The following MLIP variants were observed in gnomAD, a reference collection of about 807,000 sequenced individuals.
MLIP encodes muscular LMNA interacting protein, also known as muscular LMNA-interacting protein.
MLIP carries 79 observed loss-of-function variants against 84.8 expected under a neutral mutation model. The observed-to-expected ratio is 0.93, with a 90% CI of 0.78 to 1.12. The LOEUF (loss-of-function observed/expected upper bound fraction) is 1.12. MLIP is among the 50% of genes most tolerant of loss of function. The pLI is 0.00. For missense variants in MLIP, 1,257 were observed against 1,160.6 expected (o/e 1.08, Z -1.21); for synonymous variants, 504 against 463.0 (o/e 1.09, Z -1.14).
chr6:54,068,612 A>C lies in MLIP; in HGVS notation c.63+49521A>C, dbSNP rs182813161. On this transcript the variant is annotated intron_variant, in intron 1 of 12. Transcript: ENST00000274897. ...TCTTGTTAGTCTAGCTTAGGTCAGA[A>C]GTTAATACTTTAATATGGACTAAGA... is the stretch of plus-strand genomic sequence containing the variant. Among the ~76,000 whole-genome samples, 187 of 101,286 alleles carry C rather than the reference A, an allele frequency of 1.8e-3. 33 individuals carry two copies. The highest frequency in any genetic ancestry group is 4.0e-3 in the Admixed American group (44 of 10,986). 66.4% of individuals were successfully genotyped at this position (101,286 alleles called of 152,430 possible).
Position 54,026,155 on chromosome 6 carries a change from T to G in MLIP, c.63+7064T>G, listed in dbSNP as rs76132545. On this transcript the variant is annotated intron_variant, in intron 1 of 12. Coordinates refer to the MLIP transcript ENST00000274897. ...AATTTTTAGTAAAATTAATTAATTT[T>G]TCCCTTTCTTAGGGAGGTAAGACAT... Among the ~76,000 whole-genome samples, 95 of 152,304 alleles carry G rather than the reference T, an allele frequency of 6.2e-4. No individual in the cohort carries two copies. In the East Asian group the frequency reaches 0.018, roughly 29 times the overall value.
chr6:54,168,853 C>CTTT (rs3996971), intron 8 of MLIP, among the ~76,000 whole-genome samples: 29 of 118,804 alleles, frequency 2.4e-4, no homozygotes, highest in East Asian at 8.2e-4. Context: ...GGGTTGAGGT[C>CTTT]TTTTTTTTTT....
At chr6:54,148,017 C>T (rs554537388) in intron 4 of MLIP, among the ~76,000 whole-genome samples, 1 of 152,236 alleles carries the variant, frequency 6.6e-6, no homozygotes, top group Non-Finnish European at 1.5e-5. Context: ...ATGTGCTAGC[C>T]TCTTACCTTC....
At chr6:54,084,576 G>A (rs989278848) in intron 1 of MLIP, among the ~76,000 whole-genome samples, 15 of 152,308 alleles carry the variant, frequency 9.8e-5, no homozygotes, top group Non-Finnish European at 1.6e-4. Context: ...AGGTGGATAT[G>A]TGTACATATA....
At chr6:54,083,513 T>C (rs1302734304) in intron 1 of MLIP, 2 of 1,535,634 alleles carry the variant, frequency 1.3e-6, no homozygotes, top group Non-Finnish European at 1.7e-6. Flanking sequence ...TTCTATTGGC[T>C]GACACTGACC....
intron 10 of MLIP, among the ~76,000 whole-genome samples, chr6:54,196,080 T>C (rs1032634630): frequency 6.6e-6 from 1 of 152,124 alleles, no homozygotes; most frequent in African/African-American, 2.4e-5. Flanking sequence ...GCCATATGGC[T>C]CTTCTATCCC....
chr6:54,203,958 A>G (rs1778870425), intron 11 of MLIP: 1 of 152,198 alleles, frequency 6.6e-6, no homozygotes, highest in Admixed American at 6.5e-5. Context: ...AAACACTAAA[A>G]TTTGCATTAC....
intron 4 of MLIP, among the ~76,000 whole-genome samples, chr6:54,142,680 G>A (rs533790080): frequency 3.0e-4 from 46 of 152,254 alleles, no homozygotes; most frequent in African/African-American, 1.0e-3. Flanking sequence ...GTTTCAAATA[G>A]ATAAGTGACC....
chr6:54,237,719 G>A (rs528453374), intron 12 of MLIP, among the ~76,000 whole-genome samples: 2 of 150,810 alleles, frequency 1.3e-5, no homozygotes, highest in African/African-American at 2.4e-5. Flanking sequence ...GCATGGTTTC[G>A]TGCACCTGTG....
chr6:54,261,773 C>G (rs957111491), intron 13 of MLIP: 1 of 977,046 alleles, frequency 1.0e-6, no homozygotes, highest in Non-Finnish European at 1.2e-6. Context: ...TGGTTTGATT[C>G]AAGGGTAAAA....
Position 54,124,780 on chromosome 6 carries a change from G to A in MLIP, c.560G>A (p.Arg187His), listed in dbSNP as rs369010969. The change falls in exon 3 of 14, where the codon CGT becomes CAT. Residue 187 changes from arginine (R) to histidine (H), a missense_variant. Transcript: ENST00000502396. ...TCCAGTCTGGTCTCTGATGTAGTGC[G>A]TCCCAAAACACAGGGGACTGATCTC... ...ISSSLVSDVV[R>H]PKTQGTDLKT... 22 of 1,613,936 alleles carry A rather than the reference G, an allele frequency of 1.4e-5. No homozygotes were observed. The highest frequency in any genetic ancestry group is 1.6e-4 in the Middle Eastern group (1 of 6,084).
chr6:54,046,708 C>T (rs970278139), intron 1 of MLIP: 3 of 152,038 alleles, frequency 2.0e-5, no homozygotes, highest in Admixed American at 2.0e-4. Flanking sequence ...AAGAATAAAC[C>T]CTGGCTGTGA....
chr6:54,156,724 T>C (rs1440801175), intron 5 of MLIP, among the ~76,000 whole-genome samples: 2 of 152,120 alleles, frequency 1.3e-5, no homozygotes, highest in African/African-American at 4.8e-5. Context: ...CATTTATTCA[T>C]TGGTTTACCC....
chr6:54,104,975 A>G (rs920794552), intron 1 of MLIP, among the ~76,000 whole-genome samples: 2 of 152,188 alleles, frequency 1.3e-5, no homozygotes, highest in Non-Finnish European at 2.9e-5. Context: ...TTTGACCACA[A>G]AAACCCTTGC....
At chr6:54,044,024 A>C (rs1263424729) in intron 1 of MLIP, among the ~76,000 whole-genome samples, 1 of 152,184 alleles carries the variant, frequency 6.6e-6, no homozygotes, top group Non-Finnish European at 1.5e-5. Flanking sequence ...AGTGTACCAG[A>C]AATGATGACT....
chr6:54,078,867 T>C (rs1211022681), intron 1 of MLIP, among the ~76,000 whole-genome samples: 1 of 151,874 alleles, frequency 6.6e-6, no homozygotes, highest in Non-Finnish European at 1.5e-5. Flanking sequence ...AATTTTTGCA[T>C]TTTAGTAGAG....
At chr6:54,056,792 T>A (rs1431529344) in intron 1 of MLIP, among the ~76,000 whole-genome samples, 1 of 152,170 alleles carries the variant, frequency 6.6e-6, no homozygotes, top group Admixed American at 6.5e-5. Context: ...TATTTTCAAT[T>A]GAAGGAAGAA....
rs544457429 is a variant in MLIP at position 54,169,212 on chromosome 6, G to T, written c.2500-316G>T. On this transcript the variant is annotated intron_variant, in intron 8 of 13. Transcript: ENST00000502396. ...TTTGTAATTGAGGAGCTCAAAAAAT[G>T]GAAAAGACAGAGATTTCTACATGAA... is the stretch of plus-strand genomic sequence containing the variant. Among the ~76,000 whole-genome samples the T allele has an allele frequency of 3.3e-5, 5 of 151,650 alleles. No homozygotes were observed. The East Asian group carries it at 5.8e-4, about 18-fold the overall frequency.
intron 12 of MLIP, among the ~76,000 whole-genome samples, chr6:54,236,926 G>T (rs1177838139): frequency 6.6e-6 from 1 of 152,090 alleles, no homozygotes; most frequent in African/African-American, 2.4e-5. Flanking sequence ...TGATGAAAAT[G>T]TAACCAGAGA....
Sources: gnomAD v4.1 joint callset for allele counts (sites outside exome capture counted in the v4.1 genomes callset) on GRCh38, gnomAD v4.1.1 for gene constraint, MANE v1.5 for transcripts, NCBI Gene and HGNC (gene_info 2026-07-23, HGNC 2026-07-21) for gene names.